The following SPATA17 variants were observed in gnomAD, a reference collection of about 807,000 sequenced individuals.
SPATA17 encodes the protein spermatogenesis associated 17, also known as spermatogenesis-associated protein 17.
In SPATA17, 53 loss-of-function variants were observed where a neutral mutation model predicts 62.2. That is an observed-to-expected ratio of 0.85 (90% CI 0.68 to 1.07). The LOEUF (loss-of-function observed/expected upper bound fraction) is 1.07. Among genes scored for constraint, SPATA17 ranks in the 50% least tolerant of loss-of-function variants. The pLI is 0.00. For missense variants in SPATA17, 466 were observed against 425.5 expected (o/e 1.10, Z -0.84); for synonymous variants, 146 against 146.8 (o/e 0.99, Z 0.04).
At chr1:217,647,981 C>T (rs867235493) in intron 1 of SPATA17, among the ~76,000 whole-genome samples, 2 of 152,036 alleles carry the variant, frequency 1.3e-5, no homozygotes, top group Non-Finnish European at 2.9e-5. Flanking sequence ...CCTTGGCCTC[C>T]GAGAGTGCTG....
intron 3 of SPATA17, among the ~76,000 whole-genome samples, chr1:217,658,720 T>G (rs1670497987): frequency 6.6e-6 from 1 of 152,034 alleles, no homozygotes; most frequent in Non-Finnish European, 1.5e-5. Context: ...ATCTCACCAC[T>G]GCACTCCAGC....
In SPATA17 at chr1:217,774,555, A is replaced by G. The variant is rs377306576; in HGVS notation, c.723+18A>G. 14 of 1,602,704 alleles carry G rather than the reference A, an allele frequency of 8.7e-6. No individual in the cohort carries two copies. In the African/African-American group the frequency reaches 1.6e-4, roughly 18 times the overall value. ...AATGTCAGGTACTAGTTTGCTGTAT[A>G]AGAATTCTGTCATTAATTTTATTCT... On this transcript the variant is annotated intron_variant, in intron 7 of 10. Transcript: ENST00000366933.
intron 5 of SPATA17, among the ~76,000 whole-genome samples, chr1:217,696,303 T>C (rs1000206849): frequency 6.6e-6 from 1 of 152,222 alleles, no homozygotes; most frequent in Non-Finnish European, 1.5e-5. Flanking sequence ...GGGAACTCCC[T>C]GACCCCTTGA....
intron 4 of SPATA17, among the ~76,000 whole-genome samples, chr1:217,675,459 T>C (rs1216021417): frequency 1.3e-5 from 2 of 152,182 alleles, no homozygotes; most frequent in Non-Finnish European, 2.9e-5. Context: ...ATTTCTGATA[T>C]GAAATGTTCA....
intron 9 of SPATA17, among the ~76,000 whole-genome samples, chr1:217,861,770 TG>T (rs528772881): frequency 1.2e-3 from 188 of 152,316 alleles, no homozygotes; most frequent in African/African-American, 4.3e-3. Flanking sequence ...AAATTCTCTT[TG>T]CACTCAAAAG....
intron 1 of SPATA17, among the ~76,000 whole-genome samples, chr1:217,637,182 C>T (rs766834567): frequency 7.9e-5 from 12 of 152,168 alleles, no homozygotes; most frequent in Non-Finnish European, 1.8e-4. Flanking sequence ...ACTGCTTTCA[C>T]AAACATTATT....
At chr1:217,847,913 T>G (rs1675563678) in intron 9 of SPATA17, among the ~76,000 whole-genome samples, 1 of 151,996 alleles carries the variant, frequency 6.6e-6, no homozygotes, top group African/African-American at 2.4e-5. Flanking sequence ...ACACCTATAG[T>G]CCTAGCTATG....
chr1:217,866,607 C>G (rs1370541027), intron 10 of SPATA17: 2 of 152,112 alleles, frequency 1.3e-5, no homozygotes, highest in Non-Finnish European at 2.9e-5. Flanking sequence ...ATTACAGGTA[C>G]ATGCCCTCAT....
intron 3 of SPATA17, among the ~76,000 whole-genome samples, chr1:217,655,973 G>C (rs1034559457): frequency 6.6e-6 from 1 of 152,100 alleles, no homozygotes; most frequent in East Asian, 1.9e-4. Flanking sequence ...ACATTCCTGG[G>C]TTCAAGTGAT....
intron 5 of SPATA17, among the ~76,000 whole-genome samples, chr1:217,696,123 T>C (rs1378046316): frequency 2.6e-5 from 4 of 152,224 alleles, no homozygotes; most frequent in African/African-American, 9.6e-5. Context: ...GATCTCAGAC[T>C]GCTGTGCTAG....
chr1:217,793,120 T>C (rs999239179), intron 8 of SPATA17, among the ~76,000 whole-genome samples: 2 of 152,034 alleles, frequency 1.3e-5, no homozygotes, highest in Non-Finnish European at 2.9e-5. Flanking sequence ...TTAGAGGTGA[T>C]AGTTAAAACC....
At chr1:217,793,881 C>G (rs1479188572) in intron 8 of SPATA17, among the ~76,000 whole-genome samples, 3 of 151,828 alleles carry the variant, frequency 2.0e-5, no homozygotes, top group Non-Finnish European at 4.4e-5. Flanking sequence ...TTTGGAAGGC[C>G]GCGGTTGGCA....
chr1:217,793,974 G>A (rs1216960370), intron 8 of SPATA17, among the ~76,000 whole-genome samples: 1 of 151,984 alleles, frequency 6.6e-6, no homozygotes. Context: ...AAATTAGTTG[G>A]GTGTGGTGGC....
intron 5 of SPATA17, among the ~76,000 whole-genome samples, chr1:217,699,842 A>G (rs538945970): frequency 1.4e-4 from 22 of 152,148 alleles, no homozygotes; most frequent in African/African-American, 5.3e-4. Flanking sequence ...CGTCCATTCT[A>G]CATTTGTTTG....
chr1:217,711,109 G>GTGC (rs1671851978), intron 5 of SPATA17, among the ~76,000 whole-genome samples: 1 of 152,168 alleles, frequency 6.6e-6, no homozygotes. Flanking sequence ...ATTATGAAAA[G>GTGC]TGCTACCATG....
chr1:217,776,916 A>C (rs1673609221), intron 7 of SPATA17, among the ~76,000 whole-genome samples: 1 of 152,042 alleles, frequency 6.6e-6, no homozygotes, highest in African/African-American at 2.4e-5. Flanking sequence ...CAGCTTTCAA[A>C]ACAGAAGCCA....
intron 5 of SPATA17, among the ~76,000 whole-genome samples, chr1:217,700,049 A>G (rs1040218396): frequency 6.6e-6 from 1 of 152,130 alleles, no homozygotes; most frequent in Admixed American, 6.5e-5. Context: ...AAAACACACT[A>G]TCTTATCTAC....
At chr1:217,773,112 A>C (rs141040825) in intron 6 of SPATA17, among the ~76,000 whole-genome samples, 1 of 152,248 alleles carries the variant, frequency 6.6e-6, no homozygotes, top group African/African-American at 2.4e-5. Flanking sequence ...CAGCCTGGGT[A>C]GGTATTTGAT....
At chr1:217,792,786 T>G (rs923795971) in intron 8 of SPATA17, among the ~76,000 whole-genome samples, 2 of 152,048 alleles carry the variant, frequency 1.3e-5, no homozygotes, top group Admixed American at 1.3e-4. Flanking sequence ...ACAGTTTTTT[T>G]TGTGAGAGTA....
Sources: allele counts gnomAD v4.1 joint callset (sites outside exome capture counted in the v4.1 genomes callset), GRCh38; gene constraint gnomAD v4.1.1; transcripts MANE v1.5; gene names NCBI Gene and HGNC (gene_info 2026-07-23, HGNC 2026-07-21).